Variants in C1QTNF3 observed in about 807,000 individuals in gnomAD.
The protein encoded by C1QTNF3 is C1q and TNF related 3, also known as complement C1q tumor necrosis factor-related protein 3.
C1QTNF3 carries 26 observed loss-of-function variants against 32.6 expected under a neutral mutation model. The ratio of observed to expected loss-of-function variants is 0.80; its 90% CI spans 0.58 to 1.11. C1QTNF3 has a LOEUF of 1.11. C1QTNF3 is among the 50% of genes least tolerant of loss of function. C1QTNF3 has a pLI of 0.00. For synonymous variants in C1QTNF3, 155 were observed against 146.0 expected (o/e 1.06, Z -0.44); for missense variants, 362 against 398.2 (o/e 0.91, Z 0.77).
chr5:34,201,374 C>G, the C1QTNF3 span, among the ~76,000 whole-genome samples: 2 of 152,282 alleles, frequency 1.3e-5, no homozygotes, highest in South Asian at 4.1e-4. Context: ...GAAACCAACT[C>G]TATAAACATG....
At chr5:34,030,021 T>C (rs1261371592) in intron 3 of C1QTNF3, among the ~76,000 whole-genome samples, 1 of 152,222 alleles carries the variant, frequency 6.6e-6, no homozygotes, top group Admixed American at 6.5e-5. Context: ...AGTGAAAAGA[T>C]ATTACGTAAA....
At chr5:34,137,090 T>C in the C1QTNF3 span, among the ~76,000 whole-genome samples, 2 of 150,614 alleles carry the variant, frequency 1.3e-5, no homozygotes, top group Non-Finnish European at 3.0e-5. Context: ...GGCACAGGTA[T>C]ACCTATTTAT....
At chr5:34,167,001 AATTGATGCTGC>A in the C1QTNF3 span, 1 of 152,184 alleles carries the variant, frequency 6.6e-6, no homozygotes, top group African/African-American at 2.4e-5. Flanking sequence ...TGGTTCACAT[AATTGATGCTGC>A]ATTGATGCTG....
chr5:34,079,134 C>G, the C1QTNF3 span, among the ~76,000 whole-genome samples: 1 of 151,576 alleles, frequency 6.6e-6, no homozygotes, highest in Admixed American at 6.6e-5. Context: ...ATGAAAAACA[C>G]TGTGATCTAA....
chr5:34,176,255 C>G, the C1QTNF3 span, among the ~76,000 whole-genome samples: 5 of 61,482 alleles, frequency 8.1e-5, no homozygotes, highest in Non-Finnish European at 1.3e-4. Flanking sequence ...GACTGTTGTG[C>G]GGTGGGGGGA....
the C1QTNF3 span, among the ~76,000 whole-genome samples, chr5:34,119,007 C>A: frequency 6.6e-6 from 1 of 152,112 alleles, no homozygotes; most frequent in Non-Finnish European, 1.5e-5. Context: ...ATGAACCTCA[C>A]TGACTCATAT....
At chr5:34,226,740 T>C in the C1QTNF3 span, among the ~76,000 whole-genome samples, 1 of 151,506 alleles carries the variant, frequency 6.6e-6, no homozygotes, top group Non-Finnish European at 1.5e-5. Context: ...GACTGGACAA[T>C]CCTTAACACA....
At chr5:34,081,084 C>T in the C1QTNF3 span, among the ~76,000 whole-genome samples, 1 of 151,730 alleles carries the variant, frequency 6.6e-6, no homozygotes, top group Non-Finnish European at 1.5e-5. Flanking sequence ...CCTAAACTCT[C>T]TATGCTACAG....
the C1QTNF3 span, among the ~76,000 whole-genome samples, chr5:34,143,404 G>A: frequency 6.6e-6 from 1 of 152,158 alleles, no homozygotes; most frequent in Non-Finnish European, 1.5e-5. Flanking sequence ...TAGCGAAATT[G>A]ACTTGCAAAT....
the C1QTNF3 span, among the ~76,000 whole-genome samples, chr5:34,215,803 A>T: frequency 6.6e-6 from 1 of 152,036 alleles, no homozygotes; most frequent in Non-Finnish European, 1.5e-5. Flanking sequence ...AGGCTAACTT[A>T]AAGAACATTT....
At chr5:34,165,413 G>A in the C1QTNF3 span, 27 of 152,008 alleles carry the variant, frequency 1.8e-4, no homozygotes, top group Non-Finnish European at 3.4e-4. Context: ...ATGTATACGT[G>A]TAGGTTCTGT....
chr5:34,143,402 T>A, the C1QTNF3 span, among the ~76,000 whole-genome samples: 3 of 152,132 alleles, frequency 2.0e-5, no homozygotes, highest in African/African-American at 7.2e-5. Context: ...GCTAGCGAAA[T>A]TGACTTGCAA....
the C1QTNF3 span, among the ~76,000 whole-genome samples, chr5:34,155,759 C>T: frequency 2.6e-5 from 4 of 152,056 alleles, no homozygotes; most frequent in Non-Finnish European, 4.4e-5. Context: ...CAAGAAACTA[C>T]AAATCTTGAC....
the C1QTNF3 span, among the ~76,000 whole-genome samples, chr5:34,172,430 C>T: frequency 5.3e-5 from 1 of 18,784 alleles, no homozygotes; most frequent in Non-Finnish European, 9.5e-5. Flanking sequence ...GCCATGTACC[C>T]GGGGTTGGGC....
At chr5:34,093,371 TTC>T in the C1QTNF3 span, among the ~76,000 whole-genome samples, 20 of 119,534 alleles carry the variant, frequency 1.7e-4, no homozygotes, top group African/African-American at 6.1e-4. Context: ...TCTATATTTT[TTC>T]TGTTTAATTA....
the C1QTNF3 span, among the ~76,000 whole-genome samples, chr5:34,059,972 G>A: frequency 1.3e-5 from 2 of 152,148 alleles, no homozygotes; most frequent in African/African-American, 4.8e-5. Context: ...GGCCTCTGAG[G>A]GGCATTGTTA....
At chr5:34,196,558 G>A in the C1QTNF3 span, among the ~76,000 whole-genome samples, 1 of 152,300 alleles carries the variant, frequency 6.6e-6, no homozygotes. Context: ...ATATGACGAG[G>A]AAATGTTTTA....
At chr5:34,050,629 A>T in the C1QTNF3 span, among the ~76,000 whole-genome samples, 1 of 152,108 alleles carries the variant, frequency 6.6e-6, no homozygotes, top group Non-Finnish European at 1.5e-5. Flanking sequence ...GGTTAAAACA[A>T]CCTTGATGTT....
the C1QTNF3 span, among the ~76,000 whole-genome samples, chr5:34,114,617 A>G: frequency 6.6e-6 from 1 of 151,954 alleles, no homozygotes; most frequent in African/African-American, 2.4e-5. Flanking sequence ...AGATCATTTT[A>G]CTTTTTTTTT....
Sources: gnomAD v4.1 joint callset for allele counts (sites outside exome capture counted in the v4.1 genomes callset) on GRCh38, gnomAD v4.1.1 for gene constraint, MANE v1.5 for transcripts, NCBI Gene and HGNC (gene_info 2026-07-23, HGNC 2026-07-21) for gene names.